Variants in FRMPD4 observed in about 807,000 individuals in gnomAD.
FRMPD4 encodes FERM and PDZ domain containing 4, also known as FERM and PDZ domain-containing protein 4.
Under a neutral mutation model 94.1 loss-of-function variants are expected in FRMPD4, and 22 were observed. The ratio of observed to expected loss-of-function variants is 0.23; its 90% CI spans 0.17 to 0.33. The LOEUF (loss-of-function observed/expected upper bound fraction) is 0.33, where lower values mean the gene tolerates loss of function less well. FRMPD4 is among the 10% of genes least tolerant of loss of function. The pLI is 1.00. For synonymous variants in FRMPD4, 631 were observed against 548.6 expected (o/e 1.15, Z -2.10); for missense variants, 1,111 against 1,339.9 (o/e 0.83, Z 2.67).
intron 1 of FRMPD4, among the ~76,000 whole-genome samples, chrX:12,387,279 GAT>G (rs960703955): frequency 1.5e-4 from 17 of 112,279 alleles, no homozygotes; most frequent in African/African-American, 5.2e-4. Context: ...CAGGGCCACA[GAT>G]ATGTTAAACT....
intron 2 of FRMPD4, among the ~76,000 whole-genome samples, chrX:12,529,824 CACA>C (rs1349998926): frequency 9.4e-6 from 1 of 106,442 alleles, no homozygotes; most frequent in Non-Finnish European, 1.9e-5. Context: ...AGTTCAAGAT[CACA>C]ACACCAGCAA....
intron 2 of FRMPD4, chrX:12,583,458 T>C: frequency 8.3e-7 from 1 of 1,201,949 alleles, no homozygotes; most frequent in Non-Finnish European, 1.1e-6. Flanking sequence ...GGAACACCTC[T>C]GGATCTTTCA....
chrX:12,259,390 A>G (rs1167284439), intron 1 of FRMPD4, among the ~76,000 whole-genome samples: 3 of 111,542 alleles, frequency 2.7e-5, no homozygotes, highest in Admixed American at 1.9e-4. Context: ...TCATGTGGCA[A>G]TGAAGGTAGA....
chrX:11,982,233 C>T, intron 3 of FRMPD4, among the ~76,000 whole-genome samples: 1 of 110,758 alleles, frequency 9.0e-6, no homozygotes, highest in Non-Finnish European at 1.9e-5. Flanking sequence ...TCTCTCAGCA[C>T]TATCTTCTGG....
At chrX:12,678,484 C>A (rs2059925034) in intron 5 of FRMPD4, among the ~76,000 whole-genome samples, 1 of 111,886 alleles carries the variant, frequency 8.9e-6, no homozygotes, top group Non-Finnish European at 1.9e-5. Context: ...CTACAGTTTC[C>A]AAGTCTAGAA....
chrX:12,124,083 C>A (rs1440138583), intron 3 of FRMPD4, among the ~76,000 whole-genome samples: 1 of 111,281 alleles, frequency 9.0e-6, no homozygotes, highest in Non-Finnish European at 1.9e-5. Context: ...GGACTTTACA[C>A]ATACTAATCT....
intron 4 of FRMPD4, among the ~76,000 whole-genome samples, chrX:12,641,167 G>A (rs1242084425): frequency 9.0e-6 from 1 of 111,529 alleles, no homozygotes; most frequent in Non-Finnish European, 1.9e-5. Context: ...AATAGGGAGA[G>A]TTCTCAGGAA....
chrX:12,157,756 T>G (rs10521622), intron 1 of FRMPD4, among the ~76,000 whole-genome samples: 8,804 of 112,194 alleles, frequency 0.078, 967 homozygotes, highest in East Asian at 0.65. Context: ...GTCATATACA[T>G]TAACCAGTAC....
intron 3 of FRMPD4, among the ~76,000 whole-genome samples, chrX:12,073,318 T>C (rs2054985482): frequency 8.9e-6 from 1 of 111,904 alleles, no homozygotes. Context: ...ATGGCCTCTG[T>C]CACAACTATT....
chrX:11,918,079 T>G (rs779288068), intron 3 of FRMPD4, among the ~76,000 whole-genome samples: 3 of 111,929 alleles, frequency 2.7e-5, no homozygotes, highest in Non-Finnish European at 3.8e-5. Context: ...AACTTCCTCC[T>G]ATCCTTGCTC....
intron 2 of FRMPD4, among the ~76,000 whole-genome samples, chrX:12,539,375 T>C (rs1280398282): frequency 2.7e-5 from 3 of 111,887 alleles, no homozygotes; most frequent in Non-Finnish European, 3.8e-5. Context: ...CAGGATATTA[T>C]CCAGGAGAAA....
chrX:12,706,919 ATTTCT>A lies in FRMPD4; in HGVS notation c.1287+8_1287+12del. 1.2e-6 allele frequency: 1 copy of A among 806,139 alleles called. No individual in the cohort carries two copies. The highest frequency in any genetic ancestry group is 3.3e-5 in the East Asian group (1 of 30,055). 66.4% of individuals were successfully genotyped at this position (806,139 alleles called of 1,213,427 possible). On this transcript the variant is annotated splice_donor_5th_base_variant and intron_variant, in intron 12 of 16. Transcript: ENST00000675598. ...TGTGTTCAAGGCAACATTAGTGGTAATTTCTTTTTTTTTTTTTTTTTTGCTTTCTC... is the reference window on the plus strand; with the variant it reads ...TGTGTTCAAGGCAACATTAGTGGTAATTTTTTTTTTTTTTTTTGCTTTCTC...
At chrX:11,971,331 G>A (rs758643208) in intron 3 of FRMPD4, among the ~76,000 whole-genome samples, 22 of 112,142 alleles carry the variant, frequency 2.0e-4, no homozygotes, top group African/African-American at 5.8e-4. Flanking sequence ...TTATTATTTC[G>A]TTATTATTCA....
chrX:12,020,463 G>A (rs932587773), intron 3 of FRMPD4, among the ~76,000 whole-genome samples: 1 of 111,589 alleles, frequency 9.0e-6, no homozygotes, highest in Non-Finnish European at 1.9e-5. Context: ...TCATCACCTG[G>A]CTTCCAGGAC....
chrX:12,119,810 T>C (rs1052846747), intron 3 of FRMPD4, among the ~76,000 whole-genome samples: 1 of 112,428 alleles, frequency 8.9e-6, no homozygotes, highest in Admixed American at 9.4e-5. Flanking sequence ...GGAGATATTC[T>C]TGAATTTGCT....
intron 3 of FRMPD4, among the ~76,000 whole-genome samples, chrX:12,029,018 T>C (rs2054676873): frequency 1.8e-5 from 2 of 112,395 alleles, no homozygotes; most frequent in African/African-American, 6.5e-5. Flanking sequence ...TGTTTGATTG[T>C]ATGGTAAGAG....
At chrX:11,946,255 T>C (rs143107204) in intron 3 of FRMPD4, among the ~76,000 whole-genome samples, 1,117 of 111,599 alleles carry the variant, frequency 0.01, 3 homozygotes, top group Non-Finnish European at 0.016. Flanking sequence ...CATTTTACTA[T>C]TCTTTGCTCC....
intron 1 of FRMPD4, among the ~76,000 whole-genome samples, chrX:12,448,452 T>G (rs1030839678): frequency 1.1e-4 from 12 of 112,383 alleles, no homozygotes; most frequent in African/African-American, 3.9e-4. Context: ...TAAAAATTGC[T>G]AAAATGTACA....
intron 1 of FRMPD4, among the ~76,000 whole-genome samples, chrX:11,845,314 G>C (rs1352817980): frequency 9.0e-6 from 1 of 111,635 alleles, no homozygotes; most frequent in Admixed American, 9.6e-5. Flanking sequence ...CTTGAAAGCA[G>C]CAAAAGAAAA....
Sources: gnomAD v4.1 joint callset for allele counts (sites outside exome capture counted in the v4.1 genomes callset) on GRCh38, gnomAD v4.1.1 for gene constraint, MANE v1.5 for transcripts, NCBI Gene and HGNC (gene_info 2026-07-23, HGNC 2026-07-21) for gene names.